CRKL: variants seen among roughly 807,000 people sequenced by gnomAD.
CRKL encodes the protein CRK like proto-oncogene, adaptor protein.
A neutral mutation model predicts 23.0 loss-of-function variants in CRKL; 3 were observed. The observed-to-expected ratio is 0.13, with a 90% confidence interval of 0.06 to 0.34. The LOEUF (loss-of-function observed/expected upper bound fraction) is 0.34. CRKL is among the 10% of genes least tolerant of loss of function. CRKL has a pLI of 1.00. For synonymous variants in CRKL, 188 were observed against 160.7 expected (o/e 1.17, Z -1.28); for missense variants, 256 against 394.5 (o/e 0.65, Z 2.97).
At position 20,950,058 on chromosome 22, in the gene CRKL, G is replaced by C. The variant is rs1922209218; in HGVS notation, c.*213G>C. ...TATTGTCAAAGAGTAGCCGATTTTAGAGTTCTTTTGGATCATAAACTGGAA... is the reference window on the plus strand; with the variant it reads ...TATTGTCAAAGAGTAGCCGATTTTACAGTTCTTTTGGATCATAAACTGGAA... On this transcript the variant is annotated 3_prime_UTR_variant, in exon 3 of 3. Transcript: ENST00000354336. 4 of 555,838 alleles carry C rather than the reference G, an allele frequency of 7.2e-6. No homozygotes were observed. Among genetic ancestry groups the C allele is most frequent in the Non-Finnish European group, 6.0e-6 (2 of 333,398 alleles). 34.4% of individuals were successfully genotyped at this position (555,838 alleles called of 1,614,324 possible).
Position 20,950,400 on chromosome 22 carries a change from G to C in CRKL, c.*555G>C, listed in dbSNP as rs529888353. 4.4e-6 allele frequency: 1 copy of C among 228,008 alleles called. No homozygotes were observed. The highest frequency in any genetic ancestry group is 8.6e-6 in the Non-Finnish European group (1 of 116,260). 14.1% of individuals were successfully genotyped at this position (228,008 alleles called of 1,614,324 possible). On this transcript the variant is annotated 3_prime_UTR_variant, in exon 3 of 3. Transcript: ENST00000354336. ...TAGACTTGTGTGGGGGTTTTTTTTT[G>C]TTTTGTTTTGTTTGTTTTGTTTTGT...
intron 2 of CRKL, among the ~76,000 whole-genome samples, chr22:20,936,144 G>A (rs1921651596): frequency 6.6e-6 from 1 of 152,096 alleles, no homozygotes; most frequent in African/African-American, 2.4e-5. Context: ...TGGGCAATAG[G>A]GTGAGACCCT....
rs1274122085 is a variant in CRKL, at chr22:20,917,493, C to G, written c.-442C>G. On this transcript the variant is annotated 5_prime_UTR_variant, in exon 1 of 3. Transcript: ENST00000354336. ...TGTTGCTGTGGCTATTGGGAACAAG[C>G]TGGGCAAAAGCACCCCGGAGGCGCG... 3.3e-5 allele frequency: 8 copies of G among 244,206 alleles called. No homozygotes were observed. The highest frequency in any genetic ancestry group is 4.8e-5 in the Non-Finnish European group (6 of 125,950). The allele number at this position is 244,206 out of a possible 1,614,324, so 15.1% of individuals were successfully genotyped here. A position where few individuals can be genotyped will look rare whatever the true frequency, so the allele number is the denominator to read the frequency against.
At chr22:20,938,734 G>A (rs926673613) in intron 2 of CRKL, among the ~76,000 whole-genome samples, 1 of 152,016 alleles carries the variant, frequency 6.6e-6, no homozygotes, top group Non-Finnish European at 1.5e-5. Flanking sequence ...TGACTAAAAC[G>A]GAAGAAATAG....
At chr22:20,918,278 G>C (rs372895250) in intron 1 of CRKL, 33 bp downstream of exon 1, 6 of 1,606,196 alleles carry the variant, frequency 3.7e-6, no homozygotes, top group Non-Finnish European at 5.1e-6. Flanking sequence ...CGCGGAGGAA[G>C]GTCGAGAACC....
At position 20,918,257 on chromosome 22, in the gene CRKL, C is replaced by T. The variant is rs764115649; in HGVS notation, c.311+12C>T. The T allele has an allele frequency of 4.9e-5, 79 of 1,611,486 alleles. No individual in the cohort carries two copies. Among genetic ancestry groups the T allele is most frequent in the Non-Finnish European group, 6.0e-5 (71 of 1,179,218 alleles). The stretch of plus-strand genomic sequence containing the variant: ...GAGCCTGCGCCCAGGTACGCGAGAG[C>T]CCTCCCCGACCGCGGAGGAAGGTCG... On this transcript the variant is annotated intron_variant, in intron 1 of 2. Coordinates refer to ENST00000354336, the MANE Select transcript of CRKL (RefSeq NM_005207.4).
rs531970431 is a variant in CRKL at position 20,952,824 on chromosome 22, G to A, written c.*2979G>A. The stretch of plus-strand genomic sequence containing the variant: ...GACCTGCGGTACAGGAGTCAGCCAT[G>A]TCTGTGCTGTGTGGAACCACCTGAT... On this transcript the variant is annotated 3_prime_UTR_variant, in exon 3 of 3. Coordinates refer to ENST00000354336, the MANE Select transcript of CRKL (RefSeq NM_005207.4). The A allele has an allele frequency of 7.3e-5, 17 of 232,158 alleles. No individual in the cohort carries two copies. In the East Asian group the frequency reaches 9.1e-4, roughly 12 times the overall value. The allele number at this position is 232,158 out of a possible 1,614,324, so 14.4% of individuals were successfully genotyped here. A position where few individuals can be genotyped will look rare whatever the true frequency, so the allele number is the denominator to read the frequency against.
intron 1 of CRKL, among the ~76,000 whole-genome samples, chr22:20,920,823 C>T (rs899246146): frequency 1.3e-5 from 2 of 152,174 alleles, no homozygotes; most frequent in African/African-American, 4.8e-5. Context: ...ACCTGTTGTT[C>T]CAGTCCCCTC....
At chr22:20,929,022 A>G (rs536441050) in intron 1 of CRKL, among the ~76,000 whole-genome samples, 95 of 152,280 alleles carry the variant, frequency 6.2e-4, no homozygotes, top group African/African-American at 2.2e-3. Flanking sequence ...ATTCGTTATC[A>G]TCAGAAAAGA....
intron 2 of CRKL, among the ~76,000 whole-genome samples, chr22:20,934,503 TG>T (rs1308736983): frequency 1.3e-5 from 2 of 152,182 alleles, no homozygotes; most frequent in Non-Finnish European, 2.9e-5. Context: ...CCCAAAGTAC[TG>T]GGATTACAGA....
chr22:20,928,645 TC>T (rs1461024933), intron 1 of CRKL, among the ~76,000 whole-genome samples: 6 of 150,790 alleles, frequency 4.0e-5, no homozygotes, highest in Non-Finnish European at 8.9e-5. Flanking sequence ...AGACCCTGTT[TC>T]TACCAAAAAT....
At position 20,920,974 on chromosome 22, in the gene CRKL, T is replaced by C. The variant is rs117834610; in HGVS notation, c.311+2729T>C. 5.9e-3 allele frequency among the ~76,000 whole-genome samples: 900 copies of C among 152,362 alleles called. 8 individuals are homozygous for C. Among genetic ancestry groups the C allele is most frequent in the East Asian group, 0.055 (283 of 5,186 alleles). ...TCTCTGAAGGAGATCACCATGCTGGTTGAATTAGATCCTGACTGAGTTTAC... is the reference window on the plus strand; with the variant it reads ...TCTCTGAAGGAGATCACCATGCTGGCTGAATTAGATCCTGACTGAGTTTAC... On this transcript the variant is annotated intron_variant, in intron 1 of 2. Transcript: ENST00000354336.
intron 2 of CRKL, among the ~76,000 whole-genome samples, chr22:20,941,662 T>C (rs955533938): frequency 7.2e-6 from 1 of 139,650 alleles, no homozygotes; most frequent in Non-Finnish European, 1.5e-5. Flanking sequence ...TGGCATGATA[T>C]CAGCTCACTG....
chr22:20,947,796 T>G (rs541350284), intron 2 of CRKL, among the ~76,000 whole-genome samples: 1 of 150,846 alleles, frequency 6.6e-6, no homozygotes, highest in African/African-American at 2.4e-5. Context: ...TAAACGATCT[T>G]CGCACCTCAT....
At chr22:20,920,540 T>TC (rs1920980842) in intron 1 of CRKL, among the ~76,000 whole-genome samples, 1 of 151,948 alleles carries the variant, frequency 6.6e-6, no homozygotes, top group Non-Finnish European at 1.5e-5. Flanking sequence ...AGTCTCCTTC[T>TC]AGAGGAAGGA....
rs1188166499 is a variant in CRKL, at chr22:20,917,784, G to C, written c.-151G>C. The C allele has an allele frequency of 1.3e-6, 1 of 746,066 alleles. No homozygotes were observed. The highest frequency in any genetic ancestry group is 2.1e-6 in the Non-Finnish European group (1 of 473,314). The allele number at this position is 746,066 out of a possible 1,614,324, so 46.2% of individuals were successfully genotyped here. The stretch of plus-strand genomic sequence containing the variant: ...CGGAGGATGCTGCGGGCCCGGAGCC[G>C]AGAGGAAAGTGCTGGCCCAGCCCTC... On this transcript the variant is annotated 5_prime_UTR_variant, in exon 1 of 3. Coordinates refer to ENST00000354336, the MANE Select transcript of CRKL (RefSeq NM_005207.4).
At chr22:20,930,354 G>A (rs1165318218) in intron 1 of CRKL, among the ~76,000 whole-genome samples, 1 of 152,076 alleles carries the variant, frequency 6.6e-6, no homozygotes, top group African/African-American at 2.4e-5. Context: ...TAGACAATAC[G>A]TAAATGAATG....
chr22:20,919,773 C>CT (rs1205065813), intron 1 of CRKL, among the ~76,000 whole-genome samples: 1 of 151,604 alleles, frequency 6.6e-6, no homozygotes, highest in Non-Finnish European at 1.5e-5. Context: ...GGGTATTACT[C>CT]TAAACTTTAA....
At chr22:20,925,755 C>A (rs1471038583) in intron 1 of CRKL, among the ~76,000 whole-genome samples, 2 of 152,130 alleles carry the variant, frequency 1.3e-5, no homozygotes, top group Admixed American at 1.3e-4. Flanking sequence ...CGAATTCTGT[C>A]ACACCAGTTT....
Sources: allele counts gnomAD v4.1 joint callset (sites outside exome capture counted in the v4.1 genomes callset), GRCh38; gene constraint gnomAD v4.1.1; transcripts MANE v1.5; gene names NCBI Gene and HGNC (gene_info 2026-07-23, HGNC 2026-07-21).